The following LTBP1 variants were observed in gnomAD, a reference collection of about 807,000 sequenced individuals.
LTBP1 encodes the protein latent-transforming growth factor beta-binding protein 1.
A neutral mutation model predicts 207.6 loss-of-function variants in LTBP1; 129 were observed. The observed-to-expected ratio is 0.62, with a 90% CI of 0.54 to 0.72. The LOEUF (loss-of-function observed/expected upper bound fraction) is 0.72. Among genes scored for constraint, LTBP1 ranks in the 30% least tolerant of loss-of-function variants. The probability of loss-of-function intolerance (pLI) is 0.00; values close to 1 mark genes in which losing one functional copy is unlikely to be tolerated. For missense variants in LTBP1, 2,281 were observed against 2,217.2 expected, an observed-to-expected ratio of 1.03 and a Z score of -0.58; for synonymous variants, 963 against 833.7, an observed-to-expected ratio of 1.16 and a Z score of -2.67.
chr2:33,206,348 CAT>C (rs1250549729), intron 7 of LTBP1, among the ~76,000 whole-genome samples: 1 of 152,174 alleles, frequency 6.6e-6, no homozygotes, highest in Non-Finnish European at 1.5e-5. Flanking sequence ...TACAATTTCA[CAT>C]AGTGCTATGA....
At chr2:33,242,886 C>T (rs1316007014) in intron 9 of LTBP1, among the ~76,000 whole-genome samples, 1 of 152,078 alleles carries the variant, frequency 6.6e-6, no homozygotes, top group African/African-American at 2.4e-5. Context: ...TGCTCAGAAA[C>T]CTTTAGTATA....
At chr2:33,352,040 T>C (rs970379482) in intron 26 of LTBP1, among the ~76,000 whole-genome samples, 1 of 152,248 alleles carries the variant, frequency 6.6e-6, no homozygotes, top group Admixed American at 6.5e-5. Flanking sequence ...TATTGGACTT[T>C]TTCTTCCAGG....
intron 2 of LTBP1, among the ~76,000 whole-genome samples, chr2:32,975,584 T>C (rs12996998): frequency 6.0e-5 from 1 of 16,584 alleles, no homozygotes; most frequent in African/African-American, 1.3e-4. Flanking sequence ...TCATTCTTTG[T>C]TTTTTTTTTT....
rs545351758 is a variant in LTBP1, at chr2:33,048,355, A to G, written c.863+27149A>G. 3.8e-4 allele frequency among the ~76,000 whole-genome samples: 58 copies of G among 152,298 alleles called. No homozygotes were observed. The Middle Eastern group carries it at 0.014, about 36-fold the overall frequency. ...CTGGGAGTGCAGTAAAAATCCTTCAAATTTCTCTTGGAGAGGAATAATCCT... is the reference window on the plus strand; with the variant it reads ...CTGGGAGTGCAGTAAAAATCCTTCAGATTTCTCTTGGAGAGGAATAATCCT... On this transcript the variant is annotated intron_variant, in intron 3 of 33. Transcript: ENST00000404816.
intron 31 of LTBP1, among the ~76,000 whole-genome samples, chr2:33,368,957 A>G (rs2095033633): frequency 6.6e-6 from 1 of 152,202 alleles, no homozygotes; most frequent in Non-Finnish European, 1.5e-5. Context: ...AAAACCTTCA[A>G]GTATTTTGTT....
intron 31 of LTBP1, among the ~76,000 whole-genome samples, chr2:33,367,068 A>AT (rs2094997965): frequency 6.6e-6 from 1 of 151,940 alleles, no homozygotes; most frequent in Admixed American, 6.6e-5. Flanking sequence ...TCATCCTAGC[A>AT]TTTTCTTATA....
chr2:33,338,652 C>A (rs1216917646), intron 24 of LTBP1, among the ~76,000 whole-genome samples: 1 of 152,098 alleles, frequency 6.6e-6, no homozygotes, highest in Non-Finnish European at 1.5e-5. Context: ...GGAGGTGTCT[C>A]TTGGGCTGAC....
intron 24 of LTBP1, among the ~76,000 whole-genome samples, chr2:33,325,085 C>A (rs2094409816): frequency 6.6e-6 from 1 of 152,126 alleles, no homozygotes; most frequent in African/African-American, 2.4e-5. Context: ...TGCTTTAATT[C>A]TTCACCCTTT....
intron 20 of LTBP1, among the ~76,000 whole-genome samples, chr2:33,296,073 T>C (rs1286824081): frequency 2.0e-5 from 3 of 152,180 alleles, no homozygotes; most frequent in Non-Finnish European, 4.4e-5. Context: ...CCAAATTAAA[T>C]ATGAGAAGCA....
At chr2:33,264,091 TA>T (rs2093102671) in intron 15 of LTBP1, among the ~76,000 whole-genome samples, 2 of 151,206 alleles carry the variant, frequency 1.3e-5, no homozygotes, top group East Asian at 3.9e-4. Flanking sequence ...CCATCTCTAC[TA>T]AAAATACAAA....
chr2:33,313,910 T>C (rs1236157437), intron 23 of LTBP1, among the ~76,000 whole-genome samples: 1 of 152,172 alleles, frequency 6.6e-6, no homozygotes, highest in East Asian at 1.9e-4. Context: ...ATCAGAACCA[T>C]TGTGAACAGG....
intron 24 of LTBP1, among the ~76,000 whole-genome samples, chr2:33,322,295 A>G (rs1312524707): frequency 2.6e-5 from 4 of 152,202 alleles, no homozygotes; most frequent in African/African-American, 7.2e-5. Flanking sequence ...TGCATACCGT[A>G]TGCTGACATC....
rs1207521847 is a variant in LTBP1 at position 33,172,063 on chromosome 2, G to A, written c.1202-14793G>A. On this transcript the variant is annotated intron_variant, in intron 5 of 33. Coordinates refer to ENST00000404816, the MANE Select transcript of LTBP1 (RefSeq NM_206943.4). Reference sequence around the variant, plus strand: ...AGTCACTGCAAAATCATGCCAAATTGTAAAGACCATCGAGGCTAGGAAGAA... The same window carrying A: ...AGTCACTGCAAAATCATGCCAAATTATAAAGACCATCGAGGCTAGGAAGAA... Among the ~76,000 whole-genome samples the A allele has an allele frequency of 2.6e-5, 4 of 152,182 alleles. No individual in the cohort carries two copies. In the East Asian group the frequency reaches 7.7e-4, roughly 29 times the overall value.
rs745644361 is a variant in LTBP1 at position 33,397,195 on chromosome 2, A to G, written c.4897A>G (p.Asn1633Asp). Residue 1633 changes from asparagine to aspartate, a missense_variant, in exon 33 of 34, where the codon AAT becomes GAT. Asn to Asp is a conservative substitution (Grantham distance 23). Coordinates refer to ENST00000404816, the MANE Select transcript of LTBP1 (RefSeq NM_206943.4). ...EECGILNGCE[N>D]GRCVRVQEGY... ...ATGCGGCATCCTCAATGGATGTGAA[A>G]ATGGTCGCTGTGTGAGGGTCCAGGA... 10 of 1,614,186 alleles carry G rather than the reference A, an allele frequency of 6.2e-6. No individual in the cohort carries two copies. Among genetic ancestry groups the G allele is most frequent in the Non-Finnish European group, 8.5e-6 (10 of 1,180,012 alleles).
At chr2:33,306,305 C>T (rs1333743669) in intron 22 of LTBP1, among the ~76,000 whole-genome samples, 2 of 152,142 alleles carry the variant, frequency 1.3e-5, no homozygotes, top group African/African-American at 2.4e-5. Flanking sequence ...CATGGTGGCT[C>T]ACGCCTGTAA....
chr2:33,175,339 C>A (rs575184975), intron 5 of LTBP1, among the ~76,000 whole-genome samples: 1 of 151,796 alleles, frequency 6.6e-6, no homozygotes. Flanking sequence ...AAAAAGTGGG[C>A]GAAGGATATG....
Position 32,983,271 on chromosome 2 carries a change from G to T in LTBP1, c.565+34326G>T, listed in dbSNP as rs1455251942. Among the ~76,000 whole-genome samples, 4 of 152,286 alleles carry T rather than the reference G, an allele frequency of 2.6e-5. No homozygotes were observed. In the East Asian group the frequency reaches 7.7e-4, roughly 29 times the overall value. On this transcript the variant is annotated intron_variant, in intron 2 of 33. Transcript: ENST00000404816. Reference sequence around the variant, plus strand: ...GGAGCATTGTAGGCCCTTTGTTTTGGCTAATTTCTCCCATTTGAAATGGGT... The same window carrying T: ...GGAGCATTGTAGGCCCTTTGTTTTGTCTAATTTCTCCCATTTGAAATGGGT...
chr2:33,163,636 C>T (rs894077570), intron 5 of LTBP1, among the ~76,000 whole-genome samples: 7 of 152,032 alleles, frequency 4.6e-5, no homozygotes, highest in East Asian at 1.9e-4. Context: ...CCCTAAATAC[C>T]CCGACTTGAT....
At chr2:33,377,378 C>A (rs895718345) in intron 31 of LTBP1, among the ~76,000 whole-genome samples, 4 of 152,108 alleles carry the variant, frequency 2.6e-5, no homozygotes, top group Non-Finnish European at 5.9e-5. Flanking sequence ...CAGTTCAAGG[C>A]GAGAGAAGTT....
Sources: allele counts gnomAD v4.1 joint callset (sites outside exome capture counted in the v4.1 genomes callset), GRCh38; gene constraint gnomAD v4.1.1; transcripts MANE v1.5; gene names NCBI Gene and HGNC (gene_info 2026-07-23, HGNC 2026-07-21).